Variants in SLC9C1 observed in about 807,000 individuals in gnomAD.
The protein encoded by SLC9C1 is solute carrier family 9 member C1.
In SLC9C1, 97 loss-of-function variants were observed where a neutral mutation model predicts 140.9. That is an observed-to-expected ratio of 0.69 (90% CI 0.58 to 0.82). SLC9C1 has a LOEUF of 0.82. Ranked by LOEUF, SLC9C1 falls within the 40% of genes least tolerant of loss-of-function variation. The pLI is 0.00. For synonymous variants in SLC9C1, 440 were observed against 442.6 expected, an observed-to-expected ratio of 0.99 and a Z score of 0.07; for missense variants, 1,340 against 1,389.3, an observed-to-expected ratio of 0.96 and a Z score of 0.56.
intron 8 of SLC9C1, among the ~76,000 whole-genome samples, chr3:112,265,231 T>G: frequency 6.6e-6 from 1 of 152,140 alleles, no homozygotes; most frequent in Middle Eastern, 3.4e-3. Flanking sequence ...CATCACAACT[T>G]ATAAGGAATG....
At chr3:112,173,191 G>A (rs949978448) in intron 23 of SLC9C1, among the ~76,000 whole-genome samples, 2 of 152,108 alleles carry the variant, frequency 1.3e-5, no homozygotes, top group Non-Finnish European at 2.9e-5. Context: ...GTTTTTGTGG[G>A]AAGGACACAA....
chr3:112,178,470 G>A (rs1358123198), intron 23 of SLC9C1, among the ~76,000 whole-genome samples: 2 of 152,116 alleles, frequency 1.3e-5, no homozygotes, highest in African/African-American at 2.4e-5. Context: ...AAGAAATCAG[G>A]TTATTTGTCT....
intron 13 of SLC9C1, among the ~76,000 whole-genome samples, chr3:112,229,344 C>T (rs566570398): frequency 2.1e-4 from 32 of 151,778 alleles, no homozygotes; most frequent in Non-Finnish European, 3.2e-4. Flanking sequence ...CATTCTCAAC[C>T]GAAAGAAACA....
chr3:112,197,810 G>C (rs1185198411), intron 20 of SLC9C1, among the ~76,000 whole-genome samples: 1 of 152,054 alleles, frequency 6.6e-6, no homozygotes, highest in Non-Finnish European at 1.5e-5. Context: ...CCCTGACATG[G>C]TGTGAATTTT....
chr3:112,280,685 G>T lies in SLC9C1; in HGVS notation c.187C>A (p.Gln63Lys). 1.9e-6 allele frequency: 3 copies of T among 1,599,884 alleles called. No homozygotes were observed. The highest frequency in any genetic ancestry group is 1.7e-6 in the Non-Finnish European group (2 of 1,173,300). The part of the protein sequence containing the change: ...SFEVLSFTSS[Q>K]VQRYANAIQW... ...AAATACTCATTTACAATACACACCT[G>T]TGAAGATGTAAAGCTTAATACTTCA... Residue 63 changes from glutamine to lysine, a missense_variant and splice_region_variant, in exon 3 of 29, where the codon CAG (glutamine) becomes AAG (lysine). Physicochemically the swap from Gln to Lys is moderately conservative, Grantham distance 53. Coordinates refer to ENST00000305815, the MANE Select transcript of SLC9C1 (RefSeq NM_183061.3).
intron 12 of SLC9C1, among the ~76,000 whole-genome samples, chr3:112,234,658 GGC>G: frequency 1.3e-5 from 2 of 152,202 alleles, no homozygotes; most frequent in Non-Finnish European, 2.9e-5. Context: ...TTTTGTGTAA[GGC>G]ATAAGGAAGG....
chr3:112,151,851 G>T lies in SLC9C1; in HGVS notation c.3524+6C>A, dbSNP rs780250904. ...TGATCCTGTTGAGGAAACCAGAGTGGCTTACCTGACTTTCCTTAGGTTTAT... is the reference window on the plus strand; with the variant it reads ...TGATCCTGTTGAGGAAACCAGAGTGTCTTACCTGACTTTCCTTAGGTTTAT... On this transcript the variant is annotated splice_donor_region_variant and intron_variant, in intron 28 of 28. Coordinates refer to ENST00000305815, the MANE Select transcript of SLC9C1 (RefSeq NM_183061.3). 4.3e-6 allele frequency: 7 copies of T among 1,609,820 alleles called. No homozygotes were observed. The East Asian group carries it at 1.6e-4, about 36-fold the overall frequency.
At chr3:112,222,961 A>T (rs1347292236) in intron 13 of SLC9C1, among the ~76,000 whole-genome samples, 1 of 152,064 alleles carries the variant, frequency 6.6e-6, no homozygotes, top group Admixed American at 6.6e-5. Flanking sequence ...TTACTAATCA[A>T]TTTTTTCCTA....
intron 15 of SLC9C1, among the ~76,000 whole-genome samples, chr3:112,211,564 G>A (rs1033272467): frequency 3.3e-5 from 5 of 152,334 alleles, no homozygotes; most frequent in East Asian, 1.9e-4. Context: ...ATTATATCCC[G>A]CACCTGGCTC....
At chr3:112,171,702 C>T (rs1373865136) in intron 23 of SLC9C1, among the ~76,000 whole-genome samples, 2 of 152,098 alleles carry the variant, frequency 1.3e-5, no homozygotes, top group Non-Finnish European at 2.9e-5. Context: ...CTTTGCCTAC[C>T]TTAAGTTCTC....
At chr3:112,164,091 C>T (rs1179816164) in intron 26 of SLC9C1, among the ~76,000 whole-genome samples, 2 of 151,926 alleles carry the variant, frequency 1.3e-5, no homozygotes, top group Admixed American at 6.6e-5. Context: ...ACTAGGATTG[C>T]AACCCCTGCC....
intron 13 of SLC9C1, among the ~76,000 whole-genome samples, chr3:112,229,545 G>A (rs1381516599): frequency 6.6e-6 from 1 of 151,834 alleles, no homozygotes; most frequent in African/African-American, 2.4e-5. Flanking sequence ...AGTTTGAAAA[G>A]GTAAAATTTA....
Position 112,168,881 on chromosome 3 carries a change from T to C in SLC9C1, c.3233A>G (p.His1078Arg), listed in dbSNP as rs1312644983. 1 of 1,582,636 alleles carries C rather than the reference T, an allele frequency of 6.3e-7. No homozygotes were observed. The highest frequency in any genetic ancestry group is 8.6e-7 in the Non-Finnish European group (1 of 1,168,994). The change falls in exon 25 of 29, where the codon CAT (histidine) becomes CGT (arginine). Residue 1078 changes from histidine to arginine, a missense_variant. Coordinates refer to ENST00000305815, the MANE Select transcript of SLC9C1 (RefSeq NM_183061.3). The part of the protein sequence containing the change: ...RAPFLIPITC[H>R]QIQSIEDFTK... Reference sequence around the variant, plus strand: ...CAGGAATCAATATTTCTTTACCTGATGGCATGTTATAGGAATTAAGAAAGG... The same window carrying C: ...CAGGAATCAATATTTCTTTACCTGACGGCATGTTATAGGAATTAAGAAAGG...
At position 112,157,783 on chromosome 3, in the gene SLC9C1, T is replaced by C. The variant is rs189044224; in HGVS notation, c.3365-2734A>G. ...TAGGTATTTTTTTTTTTGTAGCTAT[T>C]GTAAATAGGATTGCTTTCTTCATTT... On this transcript the variant is annotated intron_variant, in intron 26 of 28. Coordinates refer to ENST00000305815, the MANE Select transcript of SLC9C1 (RefSeq NM_183061.3). 1.0e-3 allele frequency among the ~76,000 whole-genome samples: 153 copies of C among 151,930 alleles called. 3 individuals carry two copies. The East Asian group carries it at 0.013, about 13-fold the overall frequency.
intron 10 of SLC9C1, among the ~76,000 whole-genome samples, chr3:112,253,803 T>C (rs920046016): frequency 1.3e-5 from 2 of 152,146 alleles, no homozygotes; most frequent in Non-Finnish European, 2.9e-5. Flanking sequence ...AGAAATAGAA[T>C]TCAGAATGTG....
At position 112,239,903 on chromosome 3, in the gene SLC9C1, T is replaced by A; in HGVS notation, c.1383A>T (p.Lys461Asn). 1 of 1,614,036 alleles carries A rather than the reference T, an allele frequency of 6.2e-7. No homozygotes were observed. The highest frequency in any genetic ancestry group is 8.5e-7 in the Non-Finnish European group (1 of 1,179,976). The change falls in exon 12 of 29, where the codon AAA becomes AAT. Residue 461 changes from lysine (K) to asparagine (N), a missense_variant. Lys to Asn is a moderately conservative substitution (Grantham distance 94). Coordinates refer to ENST00000305815, the MANE Select transcript of SLC9C1 (RefSeq NM_183061.3). The stretch of plus-strand genomic sequence containing the variant: ...TGTTCCAATCAGCATTAGCAAGATC[T>A]TTGTCAAATTTAAGGGCAGAGGCTG... ...KSAASALKFDKDLANADWNMI... is the reference protein window; with the variant it reads ...KSAASALKFDNDLANADWNMI...
chr3:112,293,321 A>G (rs930374566), intron 1 of SLC9C1, among the ~76,000 whole-genome samples: 1 of 151,856 alleles, frequency 6.6e-6, no homozygotes, highest in Admixed American at 6.6e-5. Context: ...TAATATCTCA[A>G]TTCTCTTTGT....
intron 15 of SLC9C1, 30 bp downstream of exon 15, chr3:112,217,412 G>A (rs760195101): frequency 1.9e-6 from 3 of 1,550,782 alleles, no homozygotes; most frequent in Non-Finnish European, 2.6e-6. Flanking sequence ...GAATATAATA[G>A]CATTTCTTAT....
intron 27 of SLC9C1, among the ~76,000 whole-genome samples, chr3:112,152,435 C>G (rs1295609680): frequency 6.6e-6 from 1 of 152,152 alleles, no homozygotes; most frequent in African/African-American, 2.4e-5. Flanking sequence ...CGATTTTCTC[C>G]TATCTCAGAA....
Sources: allele counts gnomAD v4.1 joint callset (sites outside exome capture counted in the v4.1 genomes callset), GRCh38; gene constraint gnomAD v4.1.1; transcripts MANE v1.5; gene names NCBI Gene and HGNC (gene_info 2026-07-23, HGNC 2026-07-21).